The following CCDC91 variants were observed in gnomAD, a reference collection of about 807,000 sequenced individuals.
CCDC91 encodes coiled-coil domain-containing protein 91.
A neutral mutation model predicts 63.2 loss-of-function variants in CCDC91; 48 were observed. The observed-to-expected ratio is 0.76, with a 90% confidence interval of 0.60 to 0.97. CCDC91 has a LOEUF of 0.97. CCDC91 is among the 50% of genes least tolerant of loss of function. The pLI, the probability that CCDC91 is intolerant of heterozygous loss-of-function variation, is 0.00. For missense variants in CCDC91, 500 were observed against 494.6 expected, an observed-to-expected ratio of 1.01 and a Z score of -0.10; for synonymous variants, 167 against 165.8, an observed-to-expected ratio of 1.01 and a Z score of -0.06.
intron 6 of CCDC91, among the ~76,000 whole-genome samples, chr12:28,354,307 G>A (rs1033408064): frequency 6.6e-6 from 1 of 151,906 alleles, no homozygotes; most frequent in Non-Finnish European, 1.5e-5. Context: ...CTTTCTTCAC[G>A]TGCCTTTCTA....
chr12:28,218,730 TA>T (rs1943736672), intron 1 of CCDC91, among the ~76,000 whole-genome samples: 4 of 130,712 alleles, frequency 3.1e-5, no homozygotes, highest in Non-Finnish European at 7.0e-5. Flanking sequence ...TGTGTGTGTG[TA>T]TGTATGTATG....
chr12:28,445,511 G>A (rs149693172), intron 8 of CCDC91, among the ~76,000 whole-genome samples: 2 of 152,250 alleles, frequency 1.3e-5, no homozygotes, highest in Non-Finnish European at 2.9e-5. Flanking sequence ...GGTTTGTCCT[G>A]CAAAACCCTA....
chr12:28,445,868 A>C (rs556646138), intron 8 of CCDC91, among the ~76,000 whole-genome samples: 1 of 152,220 alleles, frequency 6.6e-6, no homozygotes, highest in Admixed American at 6.5e-5. Flanking sequence ...TACCTCCTAA[A>C]GGCCCCATCT....
At position 28,349,948 on chromosome 12, in the gene CCDC91, C is replaced by T. The variant is rs189475265; in HGVS notation, c.577-12490C>T. 4.8e-4 allele frequency among the ~76,000 whole-genome samples: 73 copies of T among 152,260 alleles called. 1 individual carries two copies. Among genetic ancestry groups the T allele is most frequent in the Admixed American group, 4.5e-3 (69 of 15,304 alleles). On this transcript the variant is annotated intron_variant, in intron 6 of 12. Coordinates refer to ENST00000536442, the MANE Select transcript of CCDC91 (RefSeq NM_018318.5). ...ATCCTGCTCTTAGGATTCCTTTTAC[C>T]TACTCTTCCAGAGTACTTTGCTGCT...
rs576929848 is a variant in CCDC91 at position 28,446,202 on chromosome 12, CAA to C, written c.763-3955_763-3954del. Among the ~76,000 whole-genome samples, 50 of 152,100 alleles carry C rather than the reference CAA, an allele frequency of 3.3e-4. 1 individual carries two copies. Among genetic ancestry groups the C allele is most frequent in the Admixed American group, 3.2e-3 (49 of 15,300 alleles). ...AGAGACTGGAGAATTTTTTTCTAAG[CAA>C]AAAGACTGGCTCAAGAGAAAATGTT... On this transcript the variant is annotated intron_variant, in intron 8 of 12. Transcript: ENST00000536442.
chr12:28,416,195 A>G (rs1398097255), intron 8 of CCDC91, among the ~76,000 whole-genome samples: 1 of 152,136 alleles, frequency 6.6e-6, no homozygotes, highest in South Asian at 2.1e-4. Flanking sequence ...TTATAGCATT[A>G]TTTTTGTCAG....
intron 6 of CCDC91, among the ~76,000 whole-genome samples, chr12:28,326,118 ATC>A (rs1348231514): frequency 2.0e-5 from 3 of 151,996 alleles, no homozygotes; most frequent in Non-Finnish European, 4.4e-5. Context: ...ATTTGTGGCA[ATC>A]TGTATTTTTC....
chr12:28,369,612 CTG>C (rs1217813076), intron 7 of CCDC91, among the ~76,000 whole-genome samples: 6 of 152,308 alleles, frequency 3.9e-5, no homozygotes, highest in Non-Finnish European at 4.4e-5. Context: ...AGTGGAGACT[CTG>C]TGTAGGGGAT....
At chr12:28,517,619 G>A (rs1045548983) in intron 12 of CCDC91, among the ~76,000 whole-genome samples, 2 of 151,918 alleles carry the variant, frequency 1.3e-5, no homozygotes, top group Non-Finnish European at 2.9e-5. Flanking sequence ...TGGGGAGCAG[G>A]TGGTATTTGG....
chr12:28,403,713 T>C (rs1410761712), intron 8 of CCDC91, among the ~76,000 whole-genome samples: 2 of 152,178 alleles, frequency 1.3e-5, no homozygotes, highest in African/African-American at 2.4e-5. Context: ...TTAATAGATA[T>C]AGGCCTACTC....
intron 3 of CCDC91, among the ~76,000 whole-genome samples, chr12:28,274,650 A>G (rs964792105): frequency 1.6e-4 from 24 of 151,914 alleles, no homozygotes; most frequent in Non-Finnish European, 2.5e-4. Flanking sequence ...TTTGTCTGTT[A>G]TTGGTGTATA....
chr12:28,268,011 G>T, intron 3 of CCDC91, among the ~76,000 whole-genome samples: 1 of 120,498 alleles, frequency 8.3e-6, no homozygotes, highest in African/African-American at 3.2e-5. Context: ...TTAATTATAT[G>T]ATTAATAATT....
At chr12:28,478,300 T>C (rs575171427) in intron 11 of CCDC91, among the ~76,000 whole-genome samples, 1 of 152,100 alleles carries the variant, frequency 6.6e-6, no homozygotes, top group African/African-American at 2.4e-5. Context: ...CCCTCAGAAA[T>C]AATGCCGCAT....
Position 28,362,423 on chromosome 12 carries a change from T to A in CCDC91, c.577-15T>A, listed in dbSNP as rs768521710. The A allele has an allele frequency of 6.5e-7, 1 of 1,540,672 alleles. No homozygotes were observed. Among genetic ancestry groups the A allele is most frequent in the Non-Finnish European group, 8.8e-7 (1 of 1,138,880 alleles). ...AGAAGAAAAACTCATGGTTTTAGTT[T>A]CTTTTTTCTTTCAGGAAAAACATAA... On this transcript the variant is annotated splice_polypyrimidine_tract_variant and intron_variant, in intron 6 of 12. Transcript: ENST00000536442.
chr12:28,424,562 C>T (rs978874457), intron 8 of CCDC91, among the ~76,000 whole-genome samples: 4 of 152,036 alleles, frequency 2.6e-5, no homozygotes, highest in African/African-American at 9.7e-5. Context: ...TTTGGAATTA[C>T]CTTTTCATTA....
At chr12:28,355,410 T>A (rs867819860) in intron 6 of CCDC91, among the ~76,000 whole-genome samples, 1 of 152,150 alleles carries the variant, frequency 6.6e-6, no homozygotes, top group African/African-American at 2.4e-5. Context: ...TTTGACAGAA[T>A]GTGGTTGGTA....
chr12:28,214,360 C>T (rs1943428363), intron 1 of CCDC91, among the ~76,000 whole-genome samples: 1 of 151,856 alleles, frequency 6.6e-6, no homozygotes. Flanking sequence ...GAAAACTGAC[C>T]AACCCAACCC....
chr12:28,460,931 A>T (rs74383551), intron 11 of CCDC91, among the ~76,000 whole-genome samples: 8,326 of 151,918 alleles, frequency 0.055, 620 homozygotes, highest in East Asian at 0.28. Flanking sequence ...GAAATGCATC[A>T]TTGGGAGATT....
At chr12:28,268,030 AATT>A (rs1229696453) in intron 3 of CCDC91, among the ~76,000 whole-genome samples, 1 of 133,674 alleles carries the variant, frequency 7.5e-6, no homozygotes, top group Non-Finnish European at 1.5e-5. Flanking sequence ...TTTAATTATT[AATT>A]ATTAATTAAA....
Sources: allele counts gnomAD v4.1 joint callset (sites outside exome capture counted in the v4.1 genomes callset), GRCh38; gene constraint gnomAD v4.1.1; transcripts MANE v1.5; gene names NCBI Gene and HGNC (gene_info 2026-07-23, HGNC 2026-07-21).